Variants in HNRNPH1 observed in about 807,000 individuals in gnomAD.
HNRNPH1 encodes the protein heterogeneous nuclear ribonucleoprotein H1.
HNRNPH1 carries 4 observed loss-of-function variants against 58.6 expected under a neutral mutation model. The observed-to-expected ratio is 0.07, with a 90% confidence interval of 0.03 to 0.16. The LOEUF is 0.16. HNRNPH1 is among the 10% of genes least tolerant of loss of function. The pLI is 1.00. For synonymous variants in HNRNPH1, 192 were observed against 189.2 expected, an observed-to-expected ratio of 1.01 and a Z score of -0.12; for missense variants, 271 against 564.2, an observed-to-expected ratio of 0.48 and a Z score of 5.26.
rs1581702961 is a variant in HNRNPH1, at chr5:179,621,112, G to C, written c.254-77C>G. The C allele has an allele frequency of 1.2e-5, 18 of 1,528,078 alleles. No homozygotes were observed. The East Asian group carries it at 4.1e-4, about 34-fold the overall frequency. 94.7% of individuals were successfully genotyped at this position (1,528,078 alleles called of 1,614,324 possible). On this transcript the variant is annotated intron_variant, in intron 2 of 12. Transcript: ENST00000356731. ...TCAGACTTCCTGGGTCTTTAGATAAGCTAGGAAGAGCTGCCACAAACTCCC... is the reference window on the plus strand; with the variant it reads ...TCAGACTTCCTGGGTCTTTAGATAACCTAGGAAGAGCTGCCACAAACTCCC...
intron 10 of HNRNPH1, 193 bp downstream of exon 11, chr5:179,616,676 T>A: frequency 3.3e-6 from 2 of 600,882 alleles, no homozygotes; most frequent in South Asian, 2.2e-5. Flanking sequence ...TAAACCTAAT[T>A]TGAATTATCT....
exon 1 of HNRNPH1, chr5:179,623,758 T>C (rs975950100): frequency 1.3e-5 from 2 of 152,412 alleles, no homozygotes; most frequent in African/African-American, 4.8e-5. Flanking sequence ...CCCCGTTGCG[T>C]CACAAAGAGC....
exon 1 of HNRNPH1, chr5:179,623,194 G>C (rs1012409859): frequency 1.6e-6 from 2 of 1,264,374 alleles, no homozygotes; most frequent in African/African-American, 3.0e-5. Context: ...AGAACTGAGA[G>C]CGCCAATTAA....
At chr5:179,624,671 G>A, upstream of HNRNPH1, 1 of 398,450 alleles carries the variant, frequency 2.5e-6, no homozygotes. Context: ...TAGCAGCACT[G>A]CCCAAAACCT....
chr5:179,616,723 A>C (rs1220920335), intron 10 of HNRNPH1, 146 bp downstream of exon 11: 1 of 686,254 alleles, frequency 1.5e-6, no homozygotes, highest in South Asian at 2.0e-5. Context: ...GGATTTAAGT[A>C]AGCCAGATAC....
At chr5:179,620,524 C>A (rs142617290) in intron 3 of HNRNPH1, among the ~76,000 whole-genome samples, 100 of 150,418 alleles carry the variant, frequency 6.6e-4, no homozygotes, top group African/African-American at 2.2e-3. Context: ...CAGACACTTG[C>A]CATAATTTAC....
At chr5:179,617,684 CTTTCTAACGTTACAAAAAAAACCTAAAA>C in intron 7 of HNRNPH1, 35 bp from the exon 9 acceptor site, 1 of 1,607,092 alleles carries the variant, frequency 6.2e-7, no homozygotes, top group Non-Finnish European at 8.5e-7. Context: ...ATTCAACCAA[CTTTCTAACGTTACAAAAAAAACCTAAAA>C]TTTCTAACAT....
intron 1 of HNRNPH1, among the ~76,000 whole-genome samples, chr5:179,622,653 G>A (rs1026531036): frequency 1.3e-5 from 2 of 152,338 alleles, no homozygotes; most frequent in Middle Eastern, 6.8e-3. Flanking sequence ...GGAGGTTGCA[G>A]TGAGCCGAGA....
At chr5:179,633,461 A>ATTTTTTTTTTTTTTT (rs762139490) in intron 2 of HNRNPH1, among the ~76,000 whole-genome samples, 5 of 102,602 alleles carry the variant, frequency 4.9e-5, no homozygotes, top group African/African-American at 7.9e-5. Flanking sequence ...CACCCGGCTA[A>ATTTTTTTTTTTTTTT]TTTTTTTTTT....
intron 1 of HNRNPH1, chr5:179,621,840 C>T: frequency 2.4e-6 from 1 of 423,170 alleles, no homozygotes; most frequent in East Asian, 7.1e-5. Flanking sequence ...GCCCAATACT[C>T]ACCTGAAAGG....
In HNRNPH1 at chr5:179,632,515, T is replaced by C. The variant is rs1774928266; in HGVS notation, c.-32+1550A>G. On this transcript the variant is annotated intron_variant, in intron 2 of 4. Coordinates refer to the HNRNPH1 transcript ENST00000521116. ...CCGGCTCCACAACCACGTAAACGAA[T>C]TGTGGATTCAGACACCATGAGCGGC... Among the ~76,000 whole-genome samples, 3 of 152,160 alleles carry C rather than the reference T, an allele frequency of 2.0e-5. No homozygotes were observed. The South Asian group carries it at 6.2e-4, about 32-fold the overall frequency.
chr5:179,627,706 T>C (rs1774510440), upstream of HNRNPH1, among the ~76,000 whole-genome samples: 1 of 151,804 alleles, frequency 6.6e-6, no homozygotes, highest in Non-Finnish European at 1.5e-5. Flanking sequence ...GTGGATAACT[T>C]GATGTCAGGA....
intron 1 of HNRNPH1, 87 bp from the exon 3 acceptor site, chr5:179,621,484 A>G: frequency 9.1e-7 from 1 of 1,099,786 alleles, no homozygotes; most frequent in Non-Finnish European, 1.3e-6. Flanking sequence ...CCATGTCCCC[A>G]CTACAAATTA....
chr5:179,618,211 T>C, exon 5 of HNRNPH1: 2 of 1,614,176 alleles, frequency 1.2e-6, no homozygotes, highest in Non-Finnish European at 8.5e-7. Context: ...TTATACCCTC[T>C]ACCAGCCCCA....
At chr5:179,618,839 A>G (rs1457041501) in intron 4 of HNRNPH1, 2 of 158,054 alleles carry the variant, frequency 1.3e-5, no homozygotes, top group Non-Finnish European at 2.8e-5. Context: ...CAATTTCTTG[A>G]AAGCTATGCT....
chr5:179,621,642 C>A (rs1772390225), intron 1 of HNRNPH1: 6 of 521,160 alleles, frequency 1.2e-5, no homozygotes, highest in Non-Finnish European at 1.4e-5. Context: ...ATGAATTTAT[C>A]TCTTTAGTCC....
intron 8 of HNRNPH1, 134 bp from the exon 10 acceptor site, chr5:179,617,244 T>C: frequency 3.4e-6 from 3 of 879,012 alleles, no homozygotes; most frequent in Non-Finnish European, 5.3e-6. Flanking sequence ...CTACTTCTCT[T>C]AGGTGATCTA....
intron 2 of HNRNPH1, among the ~76,000 whole-genome samples, chr5:179,630,925 C>A (rs1168842262): frequency 5.0e-4 from 74 of 147,094 alleles, no homozygotes; most frequent in Non-Finnish European, 9.2e-4. Flanking sequence ...AAAAAAGAAA[C>A]AAAAACAGCT....
chr5:179,623,189 TGA>T, exon 1 of HNRNPH1: 1 of 1,287,176 alleles, frequency 7.8e-7, no homozygotes, highest in Non-Finnish European at 1.1e-6. Context: ...GGACCAGAAC[TGA>T]GAGCGCCAAT....
Sources: allele counts gnomAD v4.1 joint callset (sites outside exome capture counted in the v4.1 genomes callset), GRCh38; gene constraint gnomAD v4.1.1; transcripts MANE v1.5; gene names NCBI Gene and HGNC (gene_info 2026-07-23, HGNC 2026-07-21).